Variants in SLAMF1 observed in about 807,000 individuals in gnomAD.
The protein encoded by SLAMF1 is signaling lymphocytic activation molecule family member 1.
SLAMF1 carries 18 observed loss-of-function variants against 35.1 expected under a neutral mutation model. That is an observed-to-expected ratio of 0.51 (90% confidence interval 0.35 to 0.76). SLAMF1 has a LOEUF of 0.76. SLAMF1 is among the 30% of genes least tolerant of loss of function. The pLI is 0.01. For missense variants in SLAMF1, 392 were observed against 413.0 expected, an observed-to-expected ratio of 0.95 and a Z score of 0.44; for synonymous variants, 168 against 157.2, an observed-to-expected ratio of 1.07 and a Z score of -0.51.
Position 160,610,631 on chromosome 1 carries a change from GA to G in SLAMF1, c.*116del. Reference sequence around the variant, plus strand: ...AAACATCACCAGGGAGTTGATCTGAGAAGGGTACAGACGTGCAGCATGTCTG... The same window carrying G: ...AAACATCACCAGGGAGTTGATCTGAGAGGGTACAGACGTGCAGCATGTCTG... On this transcript the variant is annotated 3_prime_UTR_variant, in exon 7 of 7. Transcript: ENST00000302035. 1.4e-6 allele frequency: 1 copy of G among 730,052 alleles called. No homozygotes were observed. Among genetic ancestry groups the G allele is most frequent in the Non-Finnish European group, 2.5e-6 (1 of 404,228 alleles). 45.2% of individuals were successfully genotyped at this position (730,052 alleles called of 1,614,324 possible). A position where few individuals can be genotyped will look rare whatever the true frequency, so the allele number is the denominator to read the frequency against.
At position 160,609,293 on chromosome 1, in the gene SLAMF1, T is replaced by C. The variant is rs1658854802; in HGVS notation, c.*1455A>G. 6.6e-6 allele frequency: 1 copy of C among 152,234 alleles called. No homozygotes were observed. The allele number at this position is 152,234 out of a possible 1,614,324, so 9.4% of individuals were successfully genotyped here. ...GTTTTGCAGAAACTTCTAGCAGTTA[T>C]TGGAACCAATCAGTATCTTTTCAAT... On this transcript the variant is annotated 3_prime_UTR_variant, in exon 7 of 7. Transcript: ENST00000302035.
In SLAMF1 at chr1:160,634,657, G is replaced by A. The variant is rs1351180000; in HGVS notation, c.656C>T (p.Ser219Phe). ...CTVSNPISNN[S>F]QTFSPWPGCR... ...TCCGGGCCACGGGCTGAAGGTCTGG[G>A]AATTGTTGCTGATAGGGTTGCTCAC... is the stretch of plus-strand genomic sequence containing the variant. Residue 219 changes from serine (S) to phenylalanine (F), a missense_variant, in exon 3 of 7, where the codon TCC becomes TTC. Ser to Phe is a radical substitution (Grantham distance 155). Coordinates refer to ENST00000302035, the MANE Select transcript of SLAMF1 (RefSeq NM_003037.5). 1 of 1,613,968 alleles carries A rather than the reference G, an allele frequency of 6.2e-7. No individual in the cohort carries two copies.
At chr1:160,643,196 T>C (rs948806137) in intron 1 of SLAMF1, among the ~76,000 whole-genome samples, 12 of 152,202 alleles carry the variant, frequency 7.9e-5, no homozygotes, top group African/African-American at 2.6e-4. Context: ...GTCTTAAAGG[T>C]CTGCTCCTTA....
At position 160,612,541 on chromosome 1, in the gene SLAMF1, G is replaced by A. The variant is rs1175899360; in HGVS notation, c.904C>T (p.Pro302Ser). 5 of 1,613,296 alleles carry A rather than the reference G, an allele frequency of 3.1e-6. No homozygotes were observed. The East Asian group carries it at 1.1e-4, about 36-fold the overall frequency. Reference sequence around the variant, plus strand: ...GCAGCAACATATATGGTGGTGCAAGGGTCCTGAGCTGGGAAGGAGTCAAGT... The same window carrying A: ...GCAGCAACATATATGGTGGTGCAAGAGTCCTGAGCTGGGAAGGAGTCAAGT... ...KKLDSFPAQDPCTTIYVAATE... is the reference protein window; with the variant it reads ...KKLDSFPAQDSCTTIYVAATE... Residue 302 changes from proline to serine, a missense_variant, in exon 6 of 7, where the codon CCT (proline) becomes TCT (serine). Transcript: ENST00000302035.
rs768678064 is a variant in SLAMF1 at position 160,637,459 on chromosome 1, A to G, written c.147T>C (p.Tyr49=). ...TGTTCATGCTCTTATTTATCCTTTC[A>G]TATGTCAGGGGCAGCAGCACTTTGC... ...LGSKVLLPLT[Y]ERINKSMNKS... The change falls in exon 2 of 7, where the codon TAT becomes TAC. Residue 49 remains tyrosine (Y), a synonymous_variant. Coordinates refer to ENST00000302035, the MANE Select transcript of SLAMF1 (RefSeq NM_003037.5). The G allele has an allele frequency of 3.7e-6, 6 of 1,613,890 alleles. No homozygotes were observed. In the Admixed American group the frequency reaches 5.0e-5, roughly 13 times the overall value.
chr1:160,620,584 GAAAT>G (rs1024093932), intron 4 of SLAMF1, among the ~76,000 whole-genome samples: 18 of 151,954 alleles, frequency 1.2e-4, no homozygotes, highest in African/African-American at 4.1e-4. Context: ...AAATTGTGAA[GAAAT>G]ATATAAAGTA....
rs545264167 is a variant in SLAMF1, at chr1:160,642,210, GT to G, written c.76+4659del. 4.9e-4 allele frequency among the ~76,000 whole-genome samples: 75 copies of G among 152,290 alleles called. No homozygotes were observed. The highest frequency in any genetic ancestry group is 1.8e-3 in the African/African-American group (74 of 41,542). On this transcript the variant is annotated intron_variant, in intron 1 of 6. Transcript: ENST00000302035. The surrounding 1 kb of genome is among the most constrained non-coding windows in gnomAD (Gnocchi z 4.2). ...TGCTTTTTAAACTGTATCCCCATCA[GT>G]CAAAGTCCTATTTTTATTATTTGGC...
chr1:160,646,500 C>G (rs116002546), intron 1 of SLAMF1, among the ~76,000 whole-genome samples: 1 of 152,218 alleles, frequency 6.6e-6, no homozygotes. Flanking sequence ...AGAGCTCAGT[C>G]CATCCAGCTC....
chr1:160,624,361 G>A (rs1478955180), intron 3 of SLAMF1, among the ~76,000 whole-genome samples, 176 bp from the exon 4 acceptor site: 1 of 152,092 alleles, frequency 6.6e-6, no homozygotes, highest in African/African-American at 2.4e-5. Flanking sequence ...TTTTGTATCT[G>A]TTTTCTTATT....
Position 160,637,258 on chromosome 1 carries a change from T to C in SLAMF1, c.348A>G (p.Gly116=). The C allele has an allele frequency of 1.9e-6, 3 of 1,614,070 alleles. No individual in the cohort carries two copies. The highest frequency in any genetic ancestry group is 2.5e-6 in the Non-Finnish European group (3 of 1,179,990). ...TTTTCTCCAGGGTCATAAGGTACCATCCCTCATCCTCCTTCCTGCTTTCCC... is the reference window on the plus strand; with the variant it reads ...TTTTCTCCAGGGTCATAAGGTACCACCCCTCATCCTCCTTCCTGCTTTCCC... ...GIRESRKEDE[G]WYLMTLEKNV... The change falls in exon 2 of 7, where the codon GGA becomes GGG. Residue 116 remains glycine (G), a synonymous_variant. Coordinates refer to ENST00000302035, the MANE Select transcript of SLAMF1 (RefSeq NM_003037.5).
rs1307842101 is a variant in SLAMF1 at position 160,642,389 on chromosome 1, T to G, written c.76+4481A>C. On this transcript the variant is annotated intron_variant, in intron 1 of 6. Coordinates refer to ENST00000302035, the MANE Select transcript of SLAMF1 (RefSeq NM_003037.5). This position sits in a 1 kb window ranked among gnomAD's most constrained non-coding sequence, Gnocchi z 4.2. ...AGGGAAGACTTTCCTGACTCCTGAC[T>G]TAGGTTGGGTTTTCCTGTCACAGAC... Among the ~76,000 whole-genome samples, 1 of 152,174 alleles carries G rather than the reference T, an allele frequency of 6.6e-6. No individual in the cohort carries two copies. Among genetic ancestry groups the G allele is most frequent in the East Asian group, 1.9e-4 (1 of 5,194 alleles).
chr1:160,644,891 G>C (rs1660952434), intron 1 of SLAMF1, among the ~76,000 whole-genome samples: 1 of 152,138 alleles, frequency 6.6e-6, no homozygotes, highest in Non-Finnish European at 1.5e-5. Flanking sequence ...GGGGTGCAGA[G>C]GAACTGCATG....
At chr1:160,614,064 T>C (rs1364439244) in intron 5 of SLAMF1, among the ~76,000 whole-genome samples, 1 of 152,216 alleles carries the variant, frequency 6.6e-6, no homozygotes, top group African/African-American at 2.4e-5. Flanking sequence ...TCCCAGGTGA[T>C]GCTGATGCTG....
chr1:160,610,793 T>G lies in SLAMF1; in HGVS notation c.963A>C (p.Thr321=), dbSNP rs777584534. The G allele has an allele frequency of 4.3e-6, 7 of 1,611,858 alleles. 1 individual carries two copies. The South Asian group carries it at 6.6e-5, about 15-fold the overall frequency. ...TEPVPESVQE[T]NSITVYASVT... ...CACTAGCATAGACTGTGATGGAATT[T>G]GTTTCCTGGGGACAAAGCAGAAGTC... Residue 321 remains threonine, a synonymous_variant, in exon 7 of 7, where the codon ACA becomes ACC. Transcript: ENST00000302035.
intron 3 of SLAMF1, among the ~76,000 whole-genome samples, chr1:160,625,246 GTTC>G (rs1357654844): frequency 1.3e-5 from 2 of 152,196 alleles, no homozygotes; most frequent in African/African-American, 2.4e-5. Flanking sequence ...TCGCACTAAG[GTTC>G]TAAATAGAGT....
rs753033265 is a variant in SLAMF1, at chr1:160,634,642, G to A, written c.671C>T (p.Pro224Leu). 48 of 1,612,778 alleles carry A rather than the reference G, an allele frequency of 3.0e-5. No individual in the cohort carries two copies. Among genetic ancestry groups the A allele is most frequent in the Admixed American group, 1.3e-4 (8 of 60,002 alleles). The change falls in exon 3 of 7, where the codon CCG (proline) becomes CTG (leucine). Residue 224 changes from proline to leucine, a missense_variant. Physicochemically the swap from Pro to Leu is moderately conservative, Grantham distance 98. Coordinates refer to ENST00000302035, the MANE Select transcript of SLAMF1 (RefSeq NM_003037.5). ...PISNNSQTFS[P>L]WPGCRTDPSE... ...GGGGTCTGTCCTGCATCCGGGCCAC[G>A]GGCTGAAGGTCTGGGAATTGTTGCT...
chr1:160,623,987 G>C, intron 4 of SLAMF1, 109 bp downstream of exon 4: 2 of 719,454 alleles, frequency 2.8e-6, no homozygotes, highest in Non-Finnish European at 4.7e-6. Flanking sequence ...TGCAAAGGTG[G>C]CCCCATGCAG....
At chr1:160,643,094 T>C (rs927801258) in intron 1 of SLAMF1, among the ~76,000 whole-genome samples, 2 of 152,268 alleles carry the variant, frequency 1.3e-5, no homozygotes. Context: ...AATTGCTCTA[T>C]GTGAGTAAAC....
At chr1:160,615,067 T>C (rs1659216622) in intron 5 of SLAMF1, among the ~76,000 whole-genome samples, 1 of 152,150 alleles carries the variant, frequency 6.6e-6, no homozygotes, top group Non-Finnish European at 1.5e-5. Context: ...ATTATATTCT[T>C]TATAAGATTA....
Sources: allele counts gnomAD v4.1 joint callset (sites outside exome capture counted in the v4.1 genomes callset), GRCh38; gene constraint gnomAD v4.1.1; non-coding constraint Gnocchi (gnomAD v3.1); transcripts MANE v1.5; gene names NCBI Gene and HGNC (gene_info 2026-07-23, HGNC 2026-07-21).